The following CAPN8 variants were observed in gnomAD, a reference collection of about 807,000 sequenced individuals.
The protein encoded by CAPN8 is calpain 8.
In CAPN8, 87 loss-of-function variants were observed where a neutral mutation model predicts 80.9. That is an observed-to-expected ratio of 1.07 (90% CI 0.90 to 1.28). The LOEUF is 1.28. CAPN8 is among the 50% of genes most tolerant of loss of function. The pLI is 0.00. For missense variants in CAPN8, 757 were observed against 702.0 expected (o/e 1.08, Z -0.89); for synonymous variants, 299 against 273.8 (o/e 1.09, Z -0.91).
rs369284975 is a variant in CAPN8, at chr1:223,615,730, C to A, written c.1311+240G>T. 2.6e-3 allele frequency: 1,648 copies of A among 636,446 alleles called. 38 individuals carry two copies. Among genetic ancestry groups the A allele is most frequent in the South Asian group, 0.024 (1,605 of 66,206 alleles). The allele number at this position is 636,446 out of a possible 1,614,324, so 39.4% of individuals were successfully genotyped here. On this transcript the variant is annotated intron_variant, in intron 10 of 20. Transcript: ENST00000366872. Reference sequence around the variant, plus strand: ...TGTACACTGAGCCCTCAATGACAGGCAAAGGTTAATGTATCACACATCTCA... The same window carrying A: ...TGTACACTGAGCCCTCAATGACAGGAAAAGGTTAATGTATCACACATCTCA...
chr1:223,558,216 C>G, intron 12 of CAPN8, 49 bp from the exon 13 acceptor site: 1 of 398,540 alleles, frequency 2.5e-6, no homozygotes, highest in Non-Finnish European at 4.4e-6. Context: ...GTAAAAAGTA[C>G]AGCTAATGGC....
At chr1:223,623,377 A>G (rs1175934241) in intron 6 of CAPN8, among the ~76,000 whole-genome samples, 6 of 152,222 alleles carry the variant, frequency 3.9e-5, no homozygotes, top group Non-Finnish European at 5.9e-5. Context: ...TCTTCATTTC[A>G]TAGCTCAAAA....
intron 8 of CAPN8, 74 bp downstream of exon 8, chr1:223,620,118 A>T: frequency 7.9e-7 from 1 of 1,264,046 alleles, no homozygotes; most frequent in Non-Finnish European, 1.1e-6. Context: ...AGACCCAGAG[A>T]CCTAGAGTTC....
At chr1:223,638,343 G>A (rs375394870) in intron 2 of CAPN8, among the ~76,000 whole-genome samples, 169 of 152,106 alleles carry the variant, frequency 1.1e-3, no homozygotes, top group African/African-American at 3.7e-3. Context: ...CACAGATACC[G>A]AGGGAAGACT....
intron 2 of CAPN8, chr1:223,629,008 C>T (rs1657691381): frequency 1.9e-6 from 1 of 526,110 alleles, no homozygotes; most frequent in Non-Finnish European, 3.4e-6. Context: ...CTGTGGCTGC[C>T]CCCTCCCCCA....
intron 13 of CAPN8, among the ~76,000 whole-genome samples, chr1:223,555,210 A>G (rs1354826158): frequency 6.6e-6 from 1 of 152,204 alleles, no homozygotes; most frequent in Admixed American, 6.5e-5. Flanking sequence ...CACTTCACCA[A>G]TGGACAAACT....
At chr1:223,611,873 G>C (rs1421948330) in intron 11 of CAPN8, among the ~76,000 whole-genome samples, 1 of 152,206 alleles carries the variant, frequency 6.6e-6, no homozygotes, top group African/African-American at 2.4e-5. Flanking sequence ...GAAGAACTGG[G>C]GTAAAGCTGA....
At chr1:223,628,996 C>G (rs1190330431) in intron 2 of CAPN8, 1 of 543,042 alleles carries the variant, frequency 1.8e-6, no homozygotes, top group Non-Finnish European at 3.3e-6. Flanking sequence ...CTCTGCTCCT[C>G]CCTGTGGCTG....
At chr1:223,618,430 T>TC in intron 9 of CAPN8, 2 of 1,111,316 alleles carry the variant, frequency 1.8e-6, no homozygotes, top group Non-Finnish European at 2.6e-6. Context: ...ATGCCCTGTG[T>TC]GTGGCCATCA....
chr1:223,543,268 C>G, intron 19 of CAPN8, 102 bp from the exon 20 acceptor site: 1 of 1,345,296 alleles, frequency 7.4e-7, no homozygotes, highest in Admixed American at 2.2e-5. Flanking sequence ...CTGCGGAACT[C>G]TCCTTTCCCC....
At chr1:223,621,775 C>A (rs1657400473) in intron 7 of CAPN8, among the ~76,000 whole-genome samples, 1 of 152,050 alleles carries the variant, frequency 6.6e-6, no homozygotes, top group South Asian at 2.1e-4. Context: ...GTACCGACAG[C>A]ACTTGAGGAT....
intron 19 of CAPN8, 65 bp downstream of exon 19, chr1:223,544,002 C>T (rs1048524326): frequency 2.8e-6 from 2 of 706,414 alleles, no homozygotes; most frequent in African/African-American, 3.5e-5. Context: ...GCCCCTTGGC[C>T]CTGCCCCTGC....
chr1:223,621,222 T>C (rs1359387436), intron 7 of CAPN8, among the ~76,000 whole-genome samples: 2 of 146,928 alleles, frequency 1.4e-5, no homozygotes, highest in Admixed American at 7.0e-5. Context: ...TCTGACCTAC[T>C]GCTCCAATTT....
At chr1:223,615,700 A>G (rs1348026794) in intron 10 of CAPN8, 4 of 564,616 alleles carry the variant, frequency 7.1e-6, no homozygotes, top group East Asian at 4.2e-5. Context: ...AGTCTAATGA[A>G]CACATGTACA....
chr1:223,664,314 C>G (rs1054407543), intron 1 of CAPN8, among the ~76,000 whole-genome samples: 2 of 152,202 alleles, frequency 1.3e-5, no homozygotes, highest in Non-Finnish European at 2.9e-5. Context: ...GTGCACCTTT[C>G]AGCAATGATG....
intron 1 of CAPN8, among the ~76,000 whole-genome samples, chr1:223,664,644 A>C (rs1658737347): frequency 6.6e-6 from 1 of 152,226 alleles, no homozygotes; most frequent in Admixed American, 6.5e-5. Flanking sequence ...ACCATCTCTG[A>C]ACAAGAGTTC....
At chr1:223,615,799 T>C (rs1217730480) in intron 10 of CAPN8, 171 bp downstream of exon 10, 2 of 751,502 alleles carry the variant, frequency 2.7e-6, no homozygotes, top group Admixed American at 4.0e-5. Context: ...AATCTCTAAA[T>C]GTGGAATTCA....
At position 223,544,835 on chromosome 1, in the gene CAPN8, T is replaced by A. The variant is rs147885862; in HGVS notation, c.1849A>T (p.Thr617Ser). The A allele has an allele frequency of 6.4e-7, 1 of 1,551,632 alleles. No homozygotes were observed. Among genetic ancestry groups the A allele is most frequent in the East Asian group, 2.4e-5 (1 of 40,920 alleles). Residue 617 changes from threonine (T) to serine (S), a missense_variant, in exon 18 of 21, where the codon ACT becomes TCT. Coordinates refer to ENST00000366872, the MANE Select transcript of CAPN8 (RefSeq NM_001143962.2). Reference protein sequence around the residue: ...IQKYLEIYWETDYNHSGTIDA... With the variant: ...IQKYLEIYWESDYNHSGTIDA... ...ATGGTGCCCGAGTGGTTATAATCAG[T>A]TTCCCAATAGATCTCCTAAAGCAGG... is the stretch of plus-strand genomic sequence containing the variant.
At chr1:223,545,158 A>G in intron 17 of CAPN8, 73 bp downstream of exon 17, 1 of 1,549,952 alleles carries the variant, frequency 6.5e-7, no homozygotes, top group Non-Finnish European at 8.7e-7. Flanking sequence ...TGGTCAGAAT[A>G]CAATGGACCA....
Sources: allele counts gnomAD v4.1 joint callset (sites outside exome capture counted in the v4.1 genomes callset), GRCh38; gene constraint gnomAD v4.1.1; transcripts MANE v1.5; gene names NCBI Gene and HGNC (gene_info 2026-07-23, HGNC 2026-07-21).